The following KCNJ10 variants were observed in gnomAD, a reference collection of about 807,000 sequenced individuals.
KCNJ10 encodes the protein potassium inwardly rectifying channel subfamily J member 10, also known as ATP-sensitive inward rectifier potassium channel 10.
A neutral mutation model predicts 22.2 loss-of-function variants in KCNJ10; 9 were observed. The observed-to-expected ratio is 0.40, with a 90% CI of 0.24 to 0.71. The LOEUF is 0.71. Ranked by LOEUF, KCNJ10 falls within the 30% of genes least tolerant of loss-of-function variation. KCNJ10 has a pLI of 0.35. For missense variants in KCNJ10, 337 were observed against 482.7 expected (o/e 0.70, Z 2.83); for synonymous variants, 184 against 187.3 (o/e 0.98, Z 0.15).
At chr1:160,065,611 G>A (rs530347877) in intron 1 of KCNJ10, among the ~76,000 whole-genome samples, 22 of 152,308 alleles carry the variant, frequency 1.4e-4, no homozygotes, top group Middle Eastern at 3.4e-3. Context: ...CTTTGTGAGG[G>A]TCCAGAGTGT....
chr1:160,053,735 G>A (rs138554019), intron 1 of KCNJ10, among the ~76,000 whole-genome samples: 9 of 152,116 alleles, frequency 5.9e-5, no homozygotes, highest in South Asian at 2.1e-4. Context: ...GCCTGACATC[G>A]AGGCCCTGGC....
At chr1:160,059,621 G>A (rs1649135374) in intron 1 of KCNJ10, among the ~76,000 whole-genome samples, 9 of 152,164 alleles carry the variant, frequency 5.9e-5, no homozygotes, top group Admixed American at 5.9e-4. Flanking sequence ...GCAGAAGCTG[G>A]CCCAACAAGA....
chr1:160,066,506 C>A (rs1172123986), intron 1 of KCNJ10, among the ~76,000 whole-genome samples: 1 of 152,196 alleles, frequency 6.6e-6, no homozygotes, highest in Non-Finnish European at 1.5e-5. Context: ...TGGCCCACAA[C>A]TCCACTTTTT....
intron 1 of KCNJ10, among the ~76,000 whole-genome samples, chr1:160,047,931 G>A (rs1648785645): frequency 6.6e-6 from 1 of 152,194 alleles, no homozygotes; most frequent in South Asian, 2.1e-4. Flanking sequence ...AGTAGAGACG[G>A]GGTTTCACCC....
At chr1:160,066,365 T>C (rs1034609211) in intron 1 of KCNJ10, among the ~76,000 whole-genome samples, 7 of 151,580 alleles carry the variant, frequency 4.6e-5, no homozygotes, top group African/African-American at 1.7e-4. Flanking sequence ...TCCAGAAGGG[T>C]GGGAAGAAAA....
chr1:160,058,406 G>C lies in KCNJ10; in HGVS notation c.-1+11616C>G, dbSNP rs569049926. Among the ~76,000 whole-genome samples the C allele has an allele frequency of 1.8e-4, 28 of 152,316 alleles. No homozygotes were observed. The South Asian group carries it at 5.8e-3, about 32-fold the overall frequency. On this transcript the variant is annotated intron_variant, in intron 1 of 1. Transcript: ENST00000644903. The stretch of plus-strand genomic sequence containing the variant: ...GGGAGTGCTTAGTAGGAGTGCCTCA[G>C]TGATAAAATCCAGGGTCTTCTGTGG...
chr1:160,062,260 G>T (rs1022207454), intron 1 of KCNJ10, among the ~76,000 whole-genome samples: 3 of 152,126 alleles, frequency 2.0e-5, no homozygotes, highest in African/African-American at 7.2e-5. Flanking sequence ...CTGGGGCGAA[G>T]GGGGGGTGGT....
At chr1:160,042,564 A>G (rs960710807) in intron 1 of KCNJ10, 32 bp from the exon 2 acceptor site, 1 of 1,599,090 alleles carries the variant, frequency 6.3e-7, no homozygotes, top group East Asian at 2.2e-5. Flanking sequence ...AATGGAGGTT[A>G]TCGTAGAAAT....
At chr1:160,060,093 C>T (rs1370976563) in intron 1 of KCNJ10, among the ~76,000 whole-genome samples, 1 of 152,166 alleles carries the variant, frequency 6.6e-6, no homozygotes, top group Non-Finnish European at 1.5e-5. Context: ...CTGACCCTCA[C>T]TCAGAGGAGT....
At chr1:160,055,284 C>A (rs1432952518) in intron 1 of KCNJ10, among the ~76,000 whole-genome samples, 5 of 152,172 alleles carry the variant, frequency 3.3e-5, no homozygotes, top group African/African-American at 1.2e-4. Context: ...CCCACACAGC[C>A]AGTCTAGGGG....
intron 1 of KCNJ10, among the ~76,000 whole-genome samples, chr1:160,042,956 TAAAATA>T (rs1571266196): frequency 7.1e-6 from 1 of 141,272 alleles, no homozygotes; most frequent in South Asian, 2.3e-4. Context: ...AAAAAGTAAA[TAAAATA>T]AAATAAAATA....
At chr1:160,066,547 G>A (rs1038399590) in intron 1 of KCNJ10, among the ~76,000 whole-genome samples, 3 of 152,140 alleles carry the variant, frequency 2.0e-5, no homozygotes, top group Non-Finnish European at 2.9e-5. Flanking sequence ...AGCCCCTTAC[G>A]GTAGTCACTG....
chr1:160,069,207 T>C (rs575628486), intron 1 of KCNJ10, among the ~76,000 whole-genome samples: 2 of 152,310 alleles, frequency 1.3e-5, no homozygotes, highest in East Asian at 3.9e-4. Context: ...CATTCCTGGG[T>C]TCAGCTCTCC....
rs971614621 is a variant in KCNJ10, at chr1:160,039,654, A to T, written c.*1739T>A. 2.0e-5 allele frequency: 3 copies of T among 152,232 alleles called. No homozygotes were observed. Among genetic ancestry groups the T allele is most frequent in the Non-Finnish European group, 4.4e-5 (3 of 68,052 alleles). The allele number at this position is 152,232 out of a possible 1,614,324, so 9.4% of individuals were successfully genotyped here. The stretch of plus-strand genomic sequence containing the variant: ...AGTTAGTTGAGTTCGAGGAGAGATC[A>T]ATATAACAAGACCTTGTGCAATTAT... On this transcript the variant is annotated 3_prime_UTR_variant, in exon 2 of 2. Coordinates refer to ENST00000644903, the MANE Select transcript of KCNJ10 (RefSeq NM_002241.5).
At chr1:160,056,402 C>T (rs534996503) in intron 1 of KCNJ10, among the ~76,000 whole-genome samples, 4 of 152,352 alleles carry the variant, frequency 2.6e-5, no homozygotes, top group Admixed American at 1.3e-4. Context: ...ATTCTAGCCA[C>T]GTGAAACATA....
intron 1 of KCNJ10, among the ~76,000 whole-genome samples, chr1:160,058,981 C>G (rs1649116814): frequency 6.6e-6 from 1 of 152,244 alleles, no homozygotes; most frequent in South Asian, 2.1e-4. Flanking sequence ...CTGCTATCCC[C>G]CTGTGTTCCC....
chr1:160,050,323 G>C (rs1256409798), intron 1 of KCNJ10, among the ~76,000 whole-genome samples: 4 of 150,452 alleles, frequency 2.7e-5, no homozygotes, highest in Non-Finnish European at 3.0e-5. Context: ...TGTAGAGATG[G>C]GATCCCACTA....
intron 1 of KCNJ10, among the ~76,000 whole-genome samples, chr1:160,053,722 C>T (rs1486192368): frequency 1.3e-5 from 2 of 152,106 alleles, no homozygotes; most frequent in Non-Finnish European, 2.9e-5. Context: ...TCCTCTAGCC[C>T]CAGCCTGACA....
At chr1:160,063,823 G>T (rs138110144) in intron 1 of KCNJ10, among the ~76,000 whole-genome samples, 10 of 152,220 alleles carry the variant, frequency 6.6e-5, no homozygotes, top group African/African-American at 2.2e-4. Flanking sequence ...GGGACAATGC[G>T]CAGTGGATTC....
Sources: gnomAD v4.1 joint callset for allele counts (sites outside exome capture counted in the v4.1 genomes callset) on GRCh38, gnomAD v4.1.1 for gene constraint, MANE v1.5 for transcripts, NCBI Gene and HGNC (gene_info 2026-07-23, HGNC 2026-07-21) for gene names.